The following MACROD2 variants were observed in gnomAD, a reference collection of about 807,000 sequenced individuals.
The protein encoded by MACROD2 is ADP-ribose glycohydrolase MACROD2.
Under a neutral mutation model 70.4 loss-of-function variants are expected in MACROD2, and 36 were observed. The observed-to-expected ratio is 0.51, with a 90% CI of 0.39 to 0.68. MACROD2 has a LOEUF of 0.68. Among genes scored for constraint, MACROD2 ranks in the 30% least tolerant of loss-of-function variants. The pLI, the probability that MACROD2 is intolerant of heterozygous loss-of-function variation, is 0.00. For missense variants in MACROD2, 496 were observed against 538.4 expected, an observed-to-expected ratio of 0.92 and a Z score of 0.78; for synonymous variants, 172 against 178.8, an observed-to-expected ratio of 0.96 and a Z score of 0.30.
intron 4 of MACROD2, among the ~76,000 whole-genome samples, chr20:14,502,511 G>T (rs2084925810): frequency 1.3e-5 from 2 of 152,086 alleles, no homozygotes; most frequent in African/African-American, 2.4e-5. Flanking sequence ...CTAGTTTCCT[G>T]TTCTAAAATG....
chr20:14,829,907 T>A (rs2072945339), intron 5 of MACROD2, among the ~76,000 whole-genome samples: 1 of 152,150 alleles, frequency 6.6e-6, no homozygotes, highest in Admixed American at 6.5e-5. Flanking sequence ...ATTATTTCCC[T>A]AGAAGTTCAA....
chr20:15,576,176 A>C (rs998935340), intron 8 of MACROD2, among the ~76,000 whole-genome samples: 1 of 151,998 alleles, frequency 6.6e-6, no homozygotes, highest in Non-Finnish European at 1.5e-5. Context: ...GATTACATGA[A>C]TTTTGACACA....
chr20:14,415,678 C>T (rs1229993809), intron 3 of MACROD2, among the ~76,000 whole-genome samples: 1 of 152,104 alleles, frequency 6.6e-6, no homozygotes, highest in African/African-American at 2.4e-5. Context: ...GTAGGAAACT[C>T]GAACAGTATC....
chr20:14,329,038 A>G (rs954315427), intron 3 of MACROD2: 3 of 152,056 alleles, frequency 2.0e-5, no homozygotes, highest in Non-Finnish European at 4.4e-5. Context: ...CTGTATAGTA[A>G]TAGGTTTTTC....
intron 4 of MACROD2, among the ~76,000 whole-genome samples, chr20:14,681,297 A>G (rs1033145402): frequency 5.9e-5 from 9 of 152,232 alleles, no homozygotes; most frequent in Non-Finnish European, 1.0e-4. Flanking sequence ...TATAGCTACA[A>G]GATGGTTTAT....
chr20:14,543,387 T>G (rs913761062), intron 4 of MACROD2, among the ~76,000 whole-genome samples: 3 of 152,216 alleles, frequency 2.0e-5, no homozygotes, highest in African/African-American at 7.2e-5. Context: ...CCTGGTCTCT[T>G]TAAGTTTTAC....
chr20:14,554,902 A>G (rs1978918812), intron 4 of MACROD2, among the ~76,000 whole-genome samples: 1 of 152,080 alleles, frequency 6.6e-6, no homozygotes, highest in Admixed American at 6.6e-5. Context: ...TATTAAATGC[A>G]TGTGTGTTTT....
intron 5 of MACROD2, among the ~76,000 whole-genome samples, chr20:14,793,112 T>G (rs900089765): frequency 2.0e-5 from 3 of 152,034 alleles, no homozygotes; most frequent in African/African-American, 7.3e-5. Flanking sequence ...ACTAAAGACA[T>G]GGGTTACAAT....
At chr20:15,283,154 C>G (rs1273479317) in intron 6 of MACROD2, among the ~76,000 whole-genome samples, 2 of 152,144 alleles carry the variant, frequency 1.3e-5, no homozygotes, top group Non-Finnish European at 2.9e-5. Flanking sequence ...CTGCTTTTGA[C>G]ACATTGGGAT....
chr20:15,864,917 T>C (rs944190926), intron 9 of MACROD2, among the ~76,000 whole-genome samples: 9 of 152,168 alleles, frequency 5.9e-5, no homozygotes, highest in Admixed American at 1.3e-4. Flanking sequence ...AAATATGCAA[T>C]ATGAAATAAG....
intron 7 of MACROD2, among the ~76,000 whole-genome samples, chr20:15,452,281 G>T (rs2046654047): frequency 6.6e-6 from 1 of 152,026 alleles, no homozygotes; most frequent in Non-Finnish European, 1.5e-5. Flanking sequence ...CTTATTTTAG[G>T]CATAATTTTA....
At chr20:14,872,683 A>C (rs943196692) in intron 5 of MACROD2, among the ~76,000 whole-genome samples, 3 of 152,160 alleles carry the variant, frequency 2.0e-5, no homozygotes, top group Non-Finnish European at 2.9e-5. Context: ...CCTGAAAATT[A>C]GCAAAAAATA....
chr20:14,282,912 C>A (rs938574896), intron 3 of MACROD2, among the ~76,000 whole-genome samples: 3 of 152,302 alleles, frequency 2.0e-5, no homozygotes, highest in Non-Finnish European at 2.9e-5. Context: ...CTGGGCATTA[C>A]AATTCACCAT....
At chr20:15,855,175 G>T (rs544938212) in intron 8 of MACROD2, among the ~76,000 whole-genome samples, 1 of 152,284 alleles carries the variant, frequency 6.6e-6, no homozygotes, top group East Asian at 1.9e-4. Flanking sequence ...CCCTATGACT[G>T]GTGGCTCTGA....
At chr20:14,911,380 T>A (rs1383783086) in intron 5 of MACROD2, among the ~76,000 whole-genome samples, 1 of 151,972 alleles carries the variant, frequency 6.6e-6, no homozygotes, top group Non-Finnish European at 1.5e-5. Context: ...TCTGATCACT[T>A]TTTTTCCCCC....
intron 5 of MACROD2, among the ~76,000 whole-genome samples, chr20:15,109,238 T>A (rs984054432): frequency 2.6e-5 from 4 of 152,140 alleles, no homozygotes; most frequent in Non-Finnish European, 5.9e-5. Flanking sequence ...AGAGTAAAAG[T>A]GATAGATTCC....
chr20:14,253,386 G>A (rs978352035), intron 3 of MACROD2, among the ~76,000 whole-genome samples: 11 of 151,820 alleles, frequency 7.2e-5, no homozygotes, highest in East Asian at 1.9e-4. Flanking sequence ...AAATAACTGA[G>A]GCAGAACATA....
chr20:14,427,059 A>G (rs1255692042), intron 3 of MACROD2, among the ~76,000 whole-genome samples: 1 of 152,150 alleles, frequency 6.6e-6, no homozygotes, highest in East Asian at 1.9e-4. Context: ...AGAATTTAGC[A>G]GTATAAATTT....
At chr20:15,588,091 C>A (rs1220960429) in intron 8 of MACROD2, among the ~76,000 whole-genome samples, 1 of 152,234 alleles carries the variant, frequency 6.6e-6, no homozygotes, top group East Asian at 1.9e-4. Flanking sequence ...TGTTTCCATA[C>A]ATCTTCTGAA....
Sources: gnomAD v4.1 joint callset for allele counts (sites outside exome capture counted in the v4.1 genomes callset) on GRCh38, gnomAD v4.1.1 for gene constraint, MANE v1.5 for transcripts, NCBI Gene and HGNC (gene_info 2026-07-23, HGNC 2026-07-21) for gene names.